Variants in PTPRJ observed in about 807,000 individuals in gnomAD.
The protein encoded by PTPRJ is protein tyrosine phosphatase receptor type J.
PTPRJ carries 129 observed loss-of-function variants against 141.3 expected under a neutral mutation model. That is an observed-to-expected ratio of 0.91 (90% CI 0.79 to 1.06). PTPRJ has a LOEUF of 1.06. Among genes scored for constraint, PTPRJ ranks in the 50% least tolerant of loss-of-function variants. PTPRJ has a pLI of 0.00. For missense variants in PTPRJ, 1,601 were observed against 1,679.7 expected, an observed-to-expected ratio of 0.95 and a Z score of 0.82; for synonymous variants, 610 against 640.5, an observed-to-expected ratio of 0.95 and a Z score of 0.72.
chr11:48,063,551 TG>T (rs1247101655), intron 1 of PTPRJ, among the ~76,000 whole-genome samples: 2 of 152,200 alleles, frequency 1.3e-5, no homozygotes, highest in African/African-American at 4.8e-5. Context: ...TTCACATATA[TG>T]GGCAGTGTCC....
At chr11:48,124,084 A>G (rs576203947) in intron 5 of PTPRJ, among the ~76,000 whole-genome samples, 1 of 152,296 alleles carries the variant, frequency 6.6e-6, no homozygotes, top group African/African-American at 2.4e-5. Flanking sequence ...GAGAACAGCA[A>G]TAGGAATTGA....
Position 48,032,089 on chromosome 11 carries a change from C to G in PTPRJ, c.96+51081C>G, listed in dbSNP as rs1232271778. ...GCTCTGTCCAGGCTCAGTGAGTGAC[C>G]TTTGCTGCTGCTGCTGCTACTGCGT... On this transcript the variant is annotated intron_variant, in intron 1 of 24. Coordinates refer to ENST00000418331, the MANE Select transcript of PTPRJ (RefSeq NM_002843.4). Among the ~76,000 whole-genome samples the G allele has an allele frequency of 2.6e-5, 4 of 152,274 alleles. No homozygotes were observed. The South Asian group carries it at 6.2e-4, about 24-fold the overall frequency.
At chr11:48,056,994 G>A (rs1309146168) in intron 1 of PTPRJ, among the ~76,000 whole-genome samples, 1 of 152,090 alleles carries the variant, frequency 6.6e-6, no homozygotes, top group Non-Finnish European at 1.5e-5. Flanking sequence ...GAGAGGTTAA[G>A]TAACTTGCCC....
chr11:48,118,863 T>C (rs1377018374), intron 3 of PTPRJ, among the ~76,000 whole-genome samples: 1 of 151,846 alleles, frequency 6.6e-6, no homozygotes, highest in East Asian at 1.9e-4. Flanking sequence ...TTCTTTAAAA[T>C]GGTGACATTA....
Position 48,150,153 on chromosome 11 carries a change from C to T in PTPRJ, c.3108C>T (p.Asp1036=). 1 of 1,614,116 alleles carries T rather than the reference C, an allele frequency of 6.2e-7. No homozygotes were observed. Among genetic ancestry groups the T allele is most frequent in the Non-Finnish European group, 8.5e-7 (1 of 1,179,984 alleles). The change falls in exon 18 of 25, where the codon GAC becomes GAT. Residue 1036 remains aspartate (D), a synonymous_variant. Transcript: ENST00000418331. The part of the protein sequence containing the change: ...FEAYFKKQQA[D]SNCGFAEEYE... ...CCTACTTCAAGAAGCAGCAAGCTGA[C>T]TCCAACTGTGGGTTCGCAGAGGAAT...
At chr11:48,018,814 T>G (rs1855022413) in intron 1 of PTPRJ, among the ~76,000 whole-genome samples, 1 of 152,184 alleles carries the variant, frequency 6.6e-6, no homozygotes, top group Admixed American at 6.5e-5. Context: ...CTCTCCCAGG[T>G]ACCAGTTGAC....
chr11:48,007,389 A>G (rs185719994), intron 1 of PTPRJ, among the ~76,000 whole-genome samples: 2 of 151,488 alleles, frequency 1.3e-5, no homozygotes, highest in African/African-American at 4.8e-5. Context: ...GATTACAGGC[A>G]TGAGCCACCA....
intron 1 of PTPRJ, among the ~76,000 whole-genome samples, chr11:48,053,185 A>AT (rs1443454564): frequency 6.8e-5 from 7 of 102,664 alleles, no homozygotes; most frequent in East Asian, 4.6e-4. Flanking sequence ...ATATAAATAT[A>AT]TATAAAAATA....
At chr11:48,028,321 A>G (rs1350750059) in intron 1 of PTPRJ, among the ~76,000 whole-genome samples, 1 of 152,192 alleles carries the variant, frequency 6.6e-6, no homozygotes, top group Non-Finnish European at 1.5e-5. Flanking sequence ...GACCCAAGGT[A>G]GCCCATCATG....
chr11:48,043,905 C>G (rs1854329169), intron 1 of PTPRJ, among the ~76,000 whole-genome samples: 1 of 152,200 alleles, frequency 6.6e-6, no homozygotes, highest in African/African-American at 2.4e-5. Flanking sequence ...CTTACAGCTT[C>G]TAATTGGCTT....
chr11:48,078,723 G>GA (rs1214667483), intron 1 of PTPRJ, among the ~76,000 whole-genome samples: 4 of 150,232 alleles, frequency 2.7e-5, no homozygotes, highest in Admixed American at 6.6e-5. Context: ...TTAAATGGTT[G>GA]AAAAAATCAA....
Position 47,999,860 on chromosome 11 carries a change from C to CTTTTTTT in PTPRJ, c.96+18854_96+18855insTTTTTTT, listed in dbSNP as rs1259078567. Among the ~76,000 whole-genome samples the CTTTTTTT allele has an allele frequency of 6.2e-5, 6 of 96,414 alleles. No homozygotes were observed. The African/African-American group carries it at 6.6e-4, about 11-fold the overall frequency. 63.3% of individuals were successfully genotyped at this position (96,414 alleles called of 152,430 possible). A position where few individuals can be genotyped will look rare whatever the true frequency, so the allele number is the denominator to read the frequency against. On this transcript the variant is annotated intron_variant, in intron 1 of 24. Transcript: ENST00000418331. ...TCTCTTTTACTTTCATGCCGAGATT[C>CTTTTTTT]TTCTTTTTTTTTTTGAGTCAGAGTC...
chr11:48,070,664 G>A (rs1432650606), intron 1 of PTPRJ, among the ~76,000 whole-genome samples: 1 of 152,176 alleles, frequency 6.6e-6, no homozygotes, highest in East Asian at 1.9e-4. Flanking sequence ...AGCAAGTATA[G>A]TTTAATTCAC....
intron 1 of PTPRJ, among the ~76,000 whole-genome samples, chr11:48,053,210 A>AT (rs1854626574): frequency 1.0e-5 from 1 of 95,974 alleles, no homozygotes; most frequent in Non-Finnish European, 1.9e-5. Flanking sequence ...AATATATTAT[A>AT]TATAATATAT....
chr11:48,103,970 C>T (rs1310426006), intron 1 of PTPRJ, among the ~76,000 whole-genome samples: 15 of 152,188 alleles, frequency 9.9e-5, no homozygotes, highest in African/African-American at 2.9e-4. Context: ...TTCCTTCCAC[C>T]GAAGCCTTCC....
intron 11 of PTPRJ, among the ~76,000 whole-genome samples, chr11:48,142,251 G>C (rs1172135327): frequency 6.6e-6 from 1 of 152,156 alleles, no homozygotes; most frequent in African/African-American, 2.4e-5. Context: ...CTGTAGCTTT[G>C]AATAAATATA....
At chr11:48,055,662 G>C (rs924258218) in intron 1 of PTPRJ, among the ~76,000 whole-genome samples, 5 of 152,158 alleles carry the variant, frequency 3.3e-5, no homozygotes, top group Non-Finnish European at 7.4e-5. Context: ...GTGCAGTCCT[G>C]GGGGCACGAG....
intron 1 of PTPRJ, among the ~76,000 whole-genome samples, chr11:48,021,195 G>A (rs1855109520): frequency 6.6e-6 from 1 of 152,018 alleles, no homozygotes; most frequent in South Asian, 2.1e-4. Context: ...CCAACATGGT[G>A]AAACCCTGTC....
At chr11:48,139,359 C>T in intron 10 of PTPRJ, 127 bp from the exon 11 acceptor site, 1 of 987,382 alleles carries the variant, frequency 1.0e-6, no homozygotes. Flanking sequence ...AATTTAGGGT[C>T]AGCCCCTGCC....
Sources: allele counts gnomAD v4.1 joint callset (sites outside exome capture counted in the v4.1 genomes callset), GRCh38; gene constraint gnomAD v4.1.1; transcripts MANE v1.5; gene names NCBI Gene and HGNC (gene_info 2026-07-23, HGNC 2026-07-21).